FBXO31: variants seen among roughly 807,000 people sequenced by gnomAD.
The protein encoded by FBXO31 is F-box only protein 31.
A neutral mutation model predicts 54.4 loss-of-function variants in FBXO31; 24 were observed. That is an observed-to-expected ratio of 0.44 (90% CI 0.32 to 0.62). The LOEUF (loss-of-function observed/expected upper bound fraction) is 0.62, where lower values mean the gene tolerates loss of function less well. Among genes scored for constraint, FBXO31 ranks in the 20% least tolerant of loss-of-function variants. The pLI, the probability that FBXO31 is intolerant of heterozygous loss-of-function variation, is 0.05. For synonymous variants in FBXO31, 388 were observed against 335.6 expected, an observed-to-expected ratio of 1.16 and a Z score of -1.71; for missense variants, 665 against 787.1, an observed-to-expected ratio of 0.84 and a Z score of 1.86.
chr16:87,368,038 C>T (rs1263844919), intron 1 of FBXO31: 15 of 152,150 alleles, frequency 9.9e-5, no homozygotes, highest in Admixed American at 9.8e-4. Context: ...TCAACAGAGC[C>T]CATGGCCACC....
upstream of FBXO31, among the ~76,000 whole-genome samples, chr16:87,387,702 G>A (rs1054961721): frequency 2.0e-5 from 3 of 152,208 alleles, no homozygotes; most frequent in African/African-American, 7.2e-5. Flanking sequence ...AGCTACTCAG[G>A]AGGCTGAAGC....
At chr16:87,377,074 G>A (rs930938917) in intron 1 of FBXO31, among the ~76,000 whole-genome samples, 1 of 152,224 alleles carries the variant, frequency 6.6e-6, no homozygotes, top group African/African-American at 2.4e-5. Context: ...AAATCTAGTT[G>A]TTTACCACGT....
intron 1 of FBXO31, among the ~76,000 whole-genome samples, chr16:87,365,134 G>A (rs535007208): frequency 3.4e-5 from 5 of 148,336 alleles, no homozygotes; most frequent in South Asian, 2.2e-4. Context: ...GCTTTAAGGC[G>A]AGATTCAAAC....
At chr16:87,360,792 G>A (rs540323277) in intron 1 of FBXO31, among the ~76,000 whole-genome samples, 103 of 152,288 alleles carry the variant, frequency 6.8e-4, no homozygotes, top group Non-Finnish European at 1.1e-3. Flanking sequence ...GTACTTCCCT[G>A]TGCTGCCTGT....
upstream of FBXO31, chr16:87,386,280 T>G (rs1384598770): frequency 2.6e-5 from 4 of 152,122 alleles, no homozygotes; most frequent in African/African-American, 9.7e-5. Flanking sequence ...GAATGTGAAC[T>G]CGTGGAAGAC....
At chr16:87,375,437 G>A (rs1413789740) in intron 1 of FBXO31, among the ~76,000 whole-genome samples, 1 of 152,150 alleles carries the variant, frequency 6.6e-6, no homozygotes, top group East Asian at 1.9e-4. Context: ...GATGAAGTGA[G>A]CCGAGATCAC....
chr16:87,350,491 G>C (rs1905604635), intron 2 of FBXO31, among the ~76,000 whole-genome samples: 1 of 152,172 alleles, frequency 6.6e-6, no homozygotes, highest in South Asian at 2.1e-4. Flanking sequence ...ACCTAGACGG[G>C]TGTGTGATCA....
In FBXO31 at chr16:87,331,768, C is replaced by T. The variant is rs1229121481; in HGVS notation, c.1398-258G>A. Among the ~76,000 whole-genome samples, 4 of 152,302 alleles carry T rather than the reference C, an allele frequency of 2.6e-5. No individual in the cohort carries two copies. The East Asian group carries it at 7.7e-4, about 29-fold the overall frequency. On this transcript the variant is annotated intron_variant, in intron 8 of 8. Coordinates refer to ENST00000311635, the MANE Select transcript of FBXO31 (RefSeq NM_024735.5). ...GCAGAGGCCAGAGCTCGGGGCTGCT[C>T]GGGGGATGGGCGCTGACTCGCAGCA... is the stretch of plus-strand genomic sequence containing the variant.
At chr16:87,348,480 T>TA (rs1448753104) in intron 2 of FBXO31, among the ~76,000 whole-genome samples, 4 of 152,144 alleles carry the variant, frequency 2.6e-5, no homozygotes, top group African/African-American at 7.2e-5. Context: ...CTGGGCCCCC[T>TA]AATGGTAGAG....
intron 3 of FBXO31, among the ~76,000 whole-genome samples, chr16:87,344,140 C>A (rs1014650709): frequency 6.6e-6 from 1 of 152,262 alleles, no homozygotes; most frequent in East Asian, 1.9e-4. Context: ...CATCCCATGG[C>A]CTGGGCAACA....
upstream of FBXO31, among the ~76,000 whole-genome samples, chr16:87,390,322 C>T (rs1907481850): frequency 6.6e-6 from 1 of 152,142 alleles, no homozygotes; most frequent in African/African-American, 2.4e-5. Context: ...TAATAAAGAA[C>T]TACAACTAAC....
At chr16:87,392,094 C>T (rs1273883437), upstream of FBXO31, 1 of 252,270 alleles carries the variant, frequency 4.0e-6, no homozygotes, top group Admixed American at 5.6e-5. Context: ...TCAGGGGCCT[C>T]AGGCGCCCAG....
chr16:87,384,936 A>T (rs1461321139), upstream of FBXO31, among the ~76,000 whole-genome samples: 2 of 151,916 alleles, frequency 1.3e-5, no homozygotes, highest in Non-Finnish European at 2.9e-5. Context: ...GCACTTTGGG[A>T]GGCGGAGAAG....
At chr16:87,382,859 C>T (rs1412638826) in intron 1 of FBXO31, among the ~76,000 whole-genome samples, 2 of 152,216 alleles carry the variant, frequency 1.3e-5, no homozygotes, top group African/African-American at 4.8e-5. Context: ...TGGTCTCGAA[C>T]TCCTGACCTC....
chr16:87,364,228 A>G (rs1906258274), intron 1 of FBXO31, among the ~76,000 whole-genome samples: 1 of 152,234 alleles, frequency 6.6e-6, no homozygotes, highest in African/African-American at 2.4e-5. Flanking sequence ...AGCTCATCCC[A>G]CAAGACGCCT....
In FBXO31 at chr16:87,331,327, G is replaced by A. The variant is rs763506746; in HGVS notation, c.1581C>T (p.Phe527=). Residue 527 remains phenylalanine, a synonymous_variant, in exon 9 of 9, where the codon TTC becomes TTT. Transcript: ENST00000311635. ...ACTGAATGTTCTTGAGCATCTCATCGAAGGCCTGTGGGGACGGCGCATCTG... is the reference window on the plus strand; with the variant it reads ...ACTGAATGTTCTTGAGCATCTCATCAAAGGCCTGTGGGGACGGCGCATCTG... ...RNADAPSPQA[F]DEMLKNIQSL... 9 of 1,613,886 alleles carry A rather than the reference G, an allele frequency of 5.6e-6. No individual in the cohort carries two copies. The highest frequency in any genetic ancestry group is 4.4e-5 in the South Asian group (4 of 91,088).
chr16:87,340,753 T>C (rs1905167834), intron 5 of FBXO31, among the ~76,000 whole-genome samples: 1 of 152,172 alleles, frequency 6.6e-6, no homozygotes, highest in South Asian at 2.1e-4. Context: ...AGCCAGGAGT[T>C]TGAGACCTGC....
At chr16:87,372,285 T>G (rs1906636130) in intron 1 of FBXO31, among the ~76,000 whole-genome samples, 2 of 152,198 alleles carry the variant, frequency 1.3e-5, no homozygotes, top group African/African-American at 2.4e-5. Flanking sequence ...GTGAAATGAC[T>G]ACGTTTCTCT....
At chr16:87,352,116 T>G (rs1235439496) in intron 2 of FBXO31, among the ~76,000 whole-genome samples, 2 of 152,170 alleles carry the variant, frequency 1.3e-5, no homozygotes, top group Non-Finnish European at 2.9e-5. Flanking sequence ...TCAGTGCAAT[T>G]TAATCATTCC....
Sources: allele counts gnomAD v4.1 joint callset (sites outside exome capture counted in the v4.1 genomes callset), GRCh38; gene constraint gnomAD v4.1.1; transcripts MANE v1.5; gene names NCBI Gene and HGNC (gene_info 2026-07-23, HGNC 2026-07-21).